The following ADARB1 variants were observed in gnomAD, a reference collection of about 807,000 sequenced individuals.
ADARB1 encodes the protein adenosine deaminase RNA specific B1.
ADARB1 carries 10 observed loss-of-function variants against 52.4 expected under a neutral mutation model. The ratio of observed to expected loss-of-function variants is 0.19; its 90% CI spans 0.12 to 0.32. The LOEUF is 0.32. ADARB1 is among the 10% of genes least tolerant of loss of function. The pLI is 1.00. For synonymous variants in ADARB1, 349 were observed against 371.1 expected, an observed-to-expected ratio of 0.94 and a Z score of 0.68; for missense variants, 643 against 922.3, an observed-to-expected ratio of 0.70 and a Z score of 3.92.
At chr21:45,100,047 C>G (rs957384894) in intron 1 of ADARB1, among the ~76,000 whole-genome samples, 4 of 152,198 alleles carry the variant, frequency 2.6e-5, no homozygotes, top group African/African-American at 7.2e-5. Flanking sequence ...ACCAGCCAAG[C>G]TTCTAGTCTT....
Position 45,206,247 on chromosome 21 carries a change from G to C in ADARB1, c.1747+1511G>C, listed in dbSNP as rs73386717. Reference sequence around the variant, plus strand: ...TATATGCATAGATACTTAAAACATTGCATGTGGAATATGGGACACATAGGT... The same window carrying C: ...TATATGCATAGATACTTAAAACATTCCATGTGGAATATGGGACACATAGGT... On this transcript the variant is annotated intron_variant, in intron 9 of 10. Transcript: ENST00000348831. Among the ~76,000 whole-genome samples, 1,500 of 152,262 alleles carry C rather than the reference G, an allele frequency of 9.9e-3. 28 individuals are homozygous for C. The highest frequency in any genetic ancestry group is 0.035 in the African/African-American group (1,433 of 41,520).
At chr21:45,086,267 A>G (rs1011713522) in intron 1 of ADARB1, among the ~76,000 whole-genome samples, 2 of 152,226 alleles carry the variant, frequency 1.3e-5, no homozygotes, top group Non-Finnish European at 2.9e-5. Context: ...TTGAGTCTTC[A>G]CCTTTTTAGA....
intron 2 of ADARB1, among the ~76,000 whole-genome samples, chr21:45,167,873 T>C (rs966705615): frequency 1.5e-4 from 23 of 152,196 alleles, no homozygotes; most frequent in African/African-American, 5.1e-4. Flanking sequence ...TGCTGAGTCA[T>C]GTGGTAGTTG....
chr21:45,187,044 G>T (rs2146236058), intron 8 of ADARB1, among the ~76,000 whole-genome samples: 1 of 152,224 alleles, frequency 6.6e-6, no homozygotes, highest in East Asian at 1.9e-4. Flanking sequence ...ATTTTTGGAT[G>T]AAGTTTTTCA....
At chr21:45,111,044 T>C (rs2087510366) in intron 1 of ADARB1, among the ~76,000 whole-genome samples, 1 of 152,094 alleles carries the variant, frequency 6.6e-6, no homozygotes. Context: ...ACCTGTGTTG[T>C]TGAGAAGCGT....
In ADARB1 at chr21:45,074,784, T is replaced by G. The variant is rs1416397017; in HGVS notation, c.-229T>G. 1.4e-5 allele frequency: 2 copies of G among 145,406 alleles called. No homozygotes were observed. Among genetic ancestry groups the G allele is most frequent in the African/African-American group, 5.0e-5 (2 of 40,040 alleles). The allele number at this position is 145,406 out of a possible 1,614,324, so 9.0% of individuals were successfully genotyped here. A position where few individuals can be genotyped will look rare whatever the true frequency, so the allele number is the denominator to read the frequency against. ...TGCGGAGGACCAGGCGCGGCGCGGC[T>G]GCGGCTGAGGTGAGGGCGGCGCGGG... On this transcript the variant is annotated 5_prime_UTR_variant, in exon 1 of 11. Transcript: ENST00000348831.
At chr21:45,195,026 A>G (rs2092394664) in intron 8 of ADARB1, among the ~76,000 whole-genome samples, 1 of 152,232 alleles carries the variant, frequency 6.6e-6, no homozygotes. Flanking sequence ...ACTGTTTTGC[A>G]TTCCCACCAA....
intron 1 of ADARB1, among the ~76,000 whole-genome samples, chr21:45,083,393 T>C (rs1001038814): frequency 2.6e-5 from 4 of 152,190 alleles, no homozygotes; most frequent in African/African-American, 7.2e-5. Context: ...CACTTTTCTA[T>C]GTAGAATAGA....
intron 1 of ADARB1, among the ~76,000 whole-genome samples, chr21:45,114,407 T>C (rs1178503092): frequency 6.6e-6 from 1 of 152,144 alleles, no homozygotes; most frequent in Non-Finnish European, 1.5e-5. Flanking sequence ...TTTTTGTTCA[T>C]AAAGCCTTGA....
chr21:45,081,458 AT>A (rs1409011928), intron 1 of ADARB1, among the ~76,000 whole-genome samples: 1 of 152,132 alleles, frequency 6.6e-6, no homozygotes, highest in Non-Finnish European at 1.5e-5. Flanking sequence ...GTATTAGATG[AT>A]TTTGTTCAAT....
chr21:45,159,193 C>G (rs1033294789), intron 2 of ADARB1, among the ~76,000 whole-genome samples: 2 of 152,040 alleles, frequency 1.3e-5, no homozygotes, highest in Non-Finnish European at 1.5e-5. Flanking sequence ...TCAATCATGA[C>G]GGAAGATGAA....
rs2093044956 is a variant in ADARB1, at chr21:45,225,378, A to G, written c.*3181A>G. 2 of 1,261,416 alleles carry G rather than the reference A, an allele frequency of 1.6e-6. No homozygotes were observed. Among genetic ancestry groups the G allele is most frequent in the Non-Finnish European group, 2.0e-6 (2 of 1,001,982 alleles). 78.1% of individuals were successfully genotyped at this position (1,261,416 alleles called of 1,614,324 possible). On this transcript the variant is annotated 3_prime_UTR_variant, in exon 11 of 11. Transcript: ENST00000348831. Reference sequence around the variant, plus strand: ...TTTTCATCATCTTTTCCTATTTTGGAGAATTTTTTGTAATTAAAAGCAATT... The same window carrying G: ...TTTTCATCATCTTTTCCTATTTTGGGGAATTTTTTGTAATTAAAAGCAATT...
At chr21:45,094,508 C>T (rs887054216) in intron 1 of ADARB1, among the ~76,000 whole-genome samples, 1 of 152,186 alleles carries the variant, frequency 6.6e-6, no homozygotes, top group Non-Finnish European at 1.5e-5. Flanking sequence ...CAGCCTCACT[C>T]ACGTGCTGCC....
chr21:45,191,880 ATTTTTTTTTTTTTTTTTT>A (rs777269104), intron 8 of ADARB1, among the ~76,000 whole-genome samples: 51 of 15,740 alleles, frequency 3.2e-3, no homozygotes, highest in South Asian at 8.8e-3. Flanking sequence ...ATATATATAT[ATTTTTTTTTTTTTTTTTT>A]TTTTTTTTTT....
intron 1 of ADARB1, among the ~76,000 whole-genome samples, chr21:45,094,491 C>G (rs991541318): frequency 6.6e-6 from 1 of 152,236 alleles, no homozygotes; most frequent in African/African-American, 2.4e-5. Flanking sequence ...TTTGGCACCA[C>G]TACCATCAGC....
chr21:45,119,732 C>T (rs564523308), intron 1 of ADARB1, among the ~76,000 whole-genome samples: 2 of 152,218 alleles, frequency 1.3e-5, no homozygotes, highest in South Asian at 2.1e-4. Flanking sequence ...ACATCTGTTT[C>T]GAAATAAAGA....
At chr21:45,102,372 G>T (rs943293843) in intron 1 of ADARB1, among the ~76,000 whole-genome samples, 1 of 152,204 alleles carries the variant, frequency 6.6e-6, no homozygotes. Context: ...TCAGAAAGAA[G>T]GGGATGGATT....
chr21:45,180,383 C>T lies in ADARB1; in HGVS notation c.1017C>T (p.Thr339=), dbSNP rs1214158446. ...RLVLGKFGDL[T]DNFSSPHARR... is the part of the protein sequence containing the mutation. ...TCCTGGGTAAGTTTGGTGACCTGAC[C>T]GACAACTTCTCCTCCCCTCACGCTC... The change falls in exon 5 of 11, where the codon ACC becomes ACT. Residue 339 remains threonine (T), a synonymous_variant. Coordinates refer to ENST00000348831, the MANE Select transcript of ADARB1 (RefSeq NM_001112.4). The T allele has an allele frequency of 5.6e-6, 9 of 1,614,108 alleles. No homozygotes were observed. Among genetic ancestry groups the T allele is most frequent in the South Asian group, 4.4e-5 (4 of 91,078 alleles).
intron 2 of ADARB1, among the ~76,000 whole-genome samples, chr21:45,159,021 A>G (rs1292768528): frequency 6.6e-6 from 1 of 152,222 alleles, no homozygotes; most frequent in Non-Finnish European, 1.5e-5. Context: ...GAAGCAGTAC[A>G]TGTTCATTGT....
Sources: allele counts gnomAD v4.1 joint callset (sites outside exome capture counted in the v4.1 genomes callset), GRCh38; gene constraint gnomAD v4.1.1; transcripts MANE v1.5; gene names NCBI Gene and HGNC (gene_info 2026-07-23, HGNC 2026-07-21).